Variants in SPATA13 observed in about 807,000 individuals in gnomAD.
The protein encoded by SPATA13 is spermatogenesis associated 13, also known as spermatogenesis-associated protein 13.
SPATA13 carries 50 observed loss-of-function variants against 104.0 expected under a neutral mutation model. The ratio of observed to expected loss-of-function variants is 0.48; its 90% CI spans 0.38 to 0.61. The LOEUF (loss-of-function observed/expected upper bound fraction) is 0.61. Among genes scored for constraint, SPATA13 ranks in the 20% least tolerant of loss-of-function variants. The pLI is 0.00. For missense variants in SPATA13, 1,524 were observed against 1,690.6 expected (o/e 0.90, Z 1.73); for synonymous variants, 606 against 667.5 (o/e 0.91, Z 1.42).
At chr13:24,202,175 T>G (rs1322493285) in intron 1 of SPATA13, among the ~76,000 whole-genome samples, 1 of 152,136 alleles carries the variant, frequency 6.6e-6, no homozygotes, top group African/African-American at 2.4e-5. Flanking sequence ...ATCCTTGCCT[T>G]TTAAAAGATA....
intron 1 of SPATA13, among the ~76,000 whole-genome samples, chr13:24,210,791 G>A (rs1047529498): frequency 8.8e-6 from 1 of 113,900 alleles, no homozygotes; most frequent in Admixed American, 8.6e-5. Flanking sequence ...GTATTTCATT[G>A]GAATTTCAAT....
chr13:24,276,814 A>C (rs1875020667), intron 4 of SPATA13, among the ~76,000 whole-genome samples: 1 of 152,184 alleles, frequency 6.6e-6, no homozygotes, highest in African/African-American at 2.4e-5. Context: ...AAGCCTATTG[A>C]AGTTAGTGAG....
chr13:24,301,194 A>G (rs1877163160), intron 12 of SPATA13, among the ~76,000 whole-genome samples: 1 of 152,192 alleles, frequency 6.6e-6, no homozygotes. Flanking sequence ...TAGAAACTTT[A>G]TTCCCGTCAT....
At chr13:23,980,709 A>G (rs1303459078) in intron 1 of SPATA13, among the ~76,000 whole-genome samples, 2 of 151,880 alleles carry the variant, frequency 1.3e-5, no homozygotes, top group African/African-American at 4.8e-5. Context: ...CTCCTGCCTC[A>G]CCCTCCCGAG....
rs570876744 is a variant in SPATA13, at chr13:24,026,360, G to T, written c.-112+8659G>T. The stretch of plus-strand genomic sequence containing the variant: ...GCAGATGAATTATTATTTATTTTGG[G>T]GGTGCACTGGGGAGGGAGGTGTGAA... On this transcript the variant is annotated intron_variant, in intron 3 of 14. Coordinates refer to the SPATA13 transcript ENST00000424834. 1.1e-4 allele frequency among the ~76,000 whole-genome samples: 16 copies of T among 152,066 alleles called. No homozygotes were observed. In the East Asian group the frequency reaches 3.1e-3, roughly 29 times the overall value.
At chr13:24,164,113 C>T (rs1211256069) in intron 1 of SPATA13, among the ~76,000 whole-genome samples, 2 of 152,188 alleles carry the variant, frequency 1.3e-5, no homozygotes, top group Non-Finnish European at 2.9e-5. Context: ...CTATATAATA[C>T]ATGGCAATTT....
chr13:24,129,554 G>T (rs547228258), intron 3 of SPATA13, among the ~76,000 whole-genome samples: 28 of 152,310 alleles, frequency 1.8e-4, no homozygotes, highest in African/African-American at 6.3e-4. Flanking sequence ...GGACAGGTTT[G>T]TTATTTGGCT....
At chr13:24,153,890 G>A (rs903820862) in intron 3 of SPATA13, among the ~76,000 whole-genome samples, 1 of 152,212 alleles carries the variant, frequency 6.6e-6, no homozygotes, top group Non-Finnish European at 1.5e-5. Context: ...ATGTGACTGA[G>A]CTGCTTAGTG....
chr13:24,258,530 G>A (rs1873903215), intron 4 of SPATA13, among the ~76,000 whole-genome samples: 1 of 152,008 alleles, frequency 6.6e-6, no homozygotes, highest in Non-Finnish European at 1.5e-5. Context: ...TTAGCCAAGA[G>A]TTGTCGTGCG....
At chr13:24,103,888 G>GA (rs1205076125) in intron 3 of SPATA13, among the ~76,000 whole-genome samples, 1 of 152,076 alleles carries the variant, frequency 6.6e-6, no homozygotes. Context: ...TCCTGAGGGG[G>GA]AAAATCTTAA....
chr13:24,267,546 C>T (rs1354120383), intron 4 of SPATA13, among the ~76,000 whole-genome samples: 1 of 152,142 alleles, frequency 6.6e-6, no homozygotes, highest in Non-Finnish European at 1.5e-5. Context: ...AGTGAGCAAA[C>T]AGCCTACCAA....
At chr13:24,198,696 TC>T (rs1464557105) in intron 1 of SPATA13, among the ~76,000 whole-genome samples, 2 of 152,208 alleles carry the variant, frequency 1.3e-5, no homozygotes, top group African/African-American at 4.8e-5. Context: ...TTTTTCTTTG[TC>T]CTTGTTCTTT....
At chr13:24,300,795 C>G (rs548578960) in intron 12 of SPATA13, among the ~76,000 whole-genome samples, 1 of 152,186 alleles carries the variant, frequency 6.6e-6, no homozygotes, top group Non-Finnish European at 1.5e-5. Flanking sequence ...CACAAGGTCA[C>G]GCACATCCCC....
At chr13:24,087,250 G>C (rs1297303687) in intron 3 of SPATA13, among the ~76,000 whole-genome samples, 1 of 152,126 alleles carries the variant, frequency 6.6e-6, no homozygotes, top group Non-Finnish European at 1.5e-5. Context: ...CAAGGGGCCT[G>C]GGACCTCCCC....
rs1179795508 is a variant in SPATA13 at position 24,205,025 on chromosome 13, G to C, written c.-111-17794G>C. ...GCCGGAAGGATTCCCCTTGAAAACC[G>C]ACACAAGACAAGAATGGCCTCTCTC... On this transcript the variant is annotated intron_variant, in intron 1 of 12. Coordinates refer to ENST00000382108, the MANE Select transcript of SPATA13 (RefSeq NM_001166271.3). The surrounding 1 kb of genome is among the most constrained non-coding windows in gnomAD (Gnocchi z 4.1). Among the ~76,000 whole-genome samples, 1 of 152,108 alleles carries C rather than the reference G, an allele frequency of 6.6e-6. No individual in the cohort carries two copies. The highest frequency in any genetic ancestry group is 1.5e-5 in the Non-Finnish European group (1 of 68,028).
chr13:24,201,492 G>A (rs1870402102), intron 1 of SPATA13, among the ~76,000 whole-genome samples: 1 of 152,054 alleles, frequency 6.6e-6, no homozygotes, highest in Admixed American at 6.6e-5. Flanking sequence ...CCAGGCTGGA[G>A]TGCAGTGGTG....
rs145672750 is a variant in SPATA13 at position 24,131,743 on chromosome 13, A to T, written c.-111-91076A>T. On this transcript the variant is annotated intron_variant, in intron 3 of 14. Transcript: ENST00000424834. ...TTTTGCTGAAGGATAGGGACAACCA[A>T]TGTGGACCCTGGCTGTCTTGGGAAA... Among the ~76,000 whole-genome samples, 423 of 152,280 alleles carry T rather than the reference A, an allele frequency of 2.8e-3. 2 individuals are homozygous for T. The highest frequency in any genetic ancestry group is 9.8e-3 in the African/African-American group (408 of 41,540).
chr13:24,121,266 A>G (rs1402696773), intron 3 of SPATA13, among the ~76,000 whole-genome samples: 2 of 152,192 alleles, frequency 1.3e-5, no homozygotes, highest in African/African-American at 2.4e-5. Context: ...AACCCTTTTT[A>G]CATACCGAAT....
chr13:24,121,317 G>T (rs1881024339), intron 3 of SPATA13, among the ~76,000 whole-genome samples: 1 of 152,138 alleles, frequency 6.6e-6, no homozygotes. Flanking sequence ...AAAGTCAGCA[G>T]GTACAAAATT....
Sources: allele counts gnomAD v4.1 joint callset (sites outside exome capture counted in the v4.1 genomes callset), GRCh38; gene constraint gnomAD v4.1.1; non-coding constraint Gnocchi (gnomAD v3.1); transcripts MANE v1.5; gene names NCBI Gene and HGNC (gene_info 2026-07-23, HGNC 2026-07-21).